IL22RA2: variants seen among roughly 807,000 people sequenced by gnomAD.
The protein encoded by IL22RA2 is interleukin-22 receptor subunit alpha-2.
A neutral mutation model predicts 30.7 loss-of-function variants in IL22RA2; 39 were observed. The ratio of observed to expected loss-of-function variants is 1.27; its 90% confidence interval spans 0.98 to 1.66. The LOEUF (loss-of-function observed/expected upper bound fraction) is 1.66. IL22RA2 is among the 40% of genes most tolerant of loss of function. The pLI is 0.00. For missense variants in IL22RA2, 315 were observed against 312.7 expected (o/e 1.01, Z -0.05); for synonymous variants, 103 against 105.0 (o/e 0.98, Z 0.11).
intron 5 of IL22RA2, among the ~76,000 whole-genome samples, chr6:137,151,864 A>G (rs1007961993): frequency 2.6e-5 from 4 of 152,198 alleles, no homozygotes; most frequent in Admixed American, 6.5e-5. Flanking sequence ...TTTTATACCT[A>G]TTAGGATGGC....
At position 137,147,897 on chromosome 6, in the gene IL22RA2, G is replaced by T. The variant is rs1469478839; in HGVS notation, c.473-6C>A. ...GACTGGAGGATCTATTTTTGCTGAAGAAAAAACATAAAAATTTGACAAATC... is the reference window on the plus strand; with the variant it reads ...GACTGGAGGATCTATTTTTGCTGAATAAAAAACATAAAAATTTGACAAATC... On this transcript the variant is annotated splice_region_variant and splice_polypyrimidine_tract_variant and intron_variant, in intron 5 of 6. Transcript: ENST00000296980. The T allele has an allele frequency of 6.2e-7, 1 of 1,603,426 alleles. No individual in the cohort carries two copies. Among genetic ancestry groups the T allele is most frequent in the African/African-American group, 1.4e-5 (1 of 74,034 alleles).
At chr6:137,171,908 C>G (rs1778742768) in intron 1 of IL22RA2, among the ~76,000 whole-genome samples, 1 of 152,226 alleles carries the variant, frequency 6.6e-6, no homozygotes, top group Non-Finnish European at 1.5e-5. Context: ...AGGCTTGTAT[C>G]TCCTCCAGCT....
chr6:137,161,400 G>C (rs1279011763), intron 2 of IL22RA2, among the ~76,000 whole-genome samples: 1 of 152,136 alleles, frequency 6.6e-6, no homozygotes, highest in African/African-American at 2.4e-5. Flanking sequence ...GAGAAAGAAA[G>C]AGGGAGGGAG....
intron 3 of IL22RA2, among the ~76,000 whole-genome samples, chr6:137,157,510 C>T (rs28385694): frequency 0.019 from 2,936 of 152,178 alleles, 52 homozygotes; most frequent in Middle Eastern, 0.068. Flanking sequence ...AAAATCTGAC[C>T]TAGGACCTAC....
chr6:137,156,547 C>G (rs1337716784), intron 4 of IL22RA2, among the ~76,000 whole-genome samples: 1 of 152,110 alleles, frequency 6.6e-6, no homozygotes, highest in Non-Finnish European at 1.5e-5. Flanking sequence ...ATTCTAAACG[C>G]AAGGGATATA....
intron 5 of IL22RA2, among the ~76,000 whole-genome samples, chr6:137,149,338 T>C (rs1451089793): frequency 1.3e-5 from 2 of 152,194 alleles, no homozygotes; most frequent in African/African-American, 2.4e-5. Context: ...TAAAAGCATA[T>C]TAAGCTTAAC....
intron 5 of IL22RA2, among the ~76,000 whole-genome samples, chr6:137,151,723 T>C (rs1047312086): frequency 2.0e-5 from 3 of 152,156 alleles, no homozygotes; most frequent in African/African-American, 7.2e-5. Context: ...TTTGATTAAA[T>C]TTTTTAAATG....
rs560698811 is a variant in IL22RA2, at chr6:137,150,315, G to A, written c.473-2424C>T. 1.6e-4 allele frequency among the ~76,000 whole-genome samples: 25 copies of A among 152,180 alleles called. 1 individual carries two copies. In the South Asian group the frequency reaches 4.8e-3, roughly 29 times the overall value. On this transcript the variant is annotated intron_variant, in intron 5 of 6. Transcript: ENST00000296980. ...TAGGAGCTGTGGTGGGAGAGCGCAA[G>A]CCTGGGGGTGAGGAGGCAGCTGAGT...
intron 5 of IL22RA2, among the ~76,000 whole-genome samples, chr6:137,150,609 A>G (rs1268012788): frequency 6.7e-6 from 1 of 150,176 alleles, no homozygotes; most frequent in Non-Finnish European, 1.5e-5. Flanking sequence ...GTCTTTGGCT[A>G]TTCTTACCTG....
intron 1 of IL22RA2, among the ~76,000 whole-genome samples, chr6:137,169,912 C>T (rs539662997): frequency 3.9e-5 from 6 of 152,298 alleles, no homozygotes; most frequent in East Asian, 1.9e-4. Context: ...TGCCAGGATG[C>T]GGAAGTTAGC....
At chr6:137,149,447 T>G (rs1366647063) in intron 5 of IL22RA2, among the ~76,000 whole-genome samples, 1 of 152,190 alleles carries the variant, frequency 6.6e-6, no homozygotes, top group East Asian at 1.9e-4. Context: ...ATTCATCTAA[T>G]TATGCATGCA....
In IL22RA2 at chr6:137,155,125, G is replaced by A. The variant is rs751617911; in HGVS notation, c.294-6C>T. ...TCCATTGTCTCTGTCCATATCTGTA[G>A]CAGGGAAAAGGCAAAGATCTGAGTT... On this transcript the variant is annotated splice_polypyrimidine_tract_variant and splice_region_variant and intron_variant, in intron 4 of 6. Coordinates refer to ENST00000296980, the MANE Select transcript of IL22RA2 (RefSeq NM_052962.3). 4 of 1,524,442 alleles carry A rather than the reference G, an allele frequency of 2.6e-6. No homozygotes were observed. Among genetic ancestry groups the A allele is most frequent in the Non-Finnish European group, 3.5e-6 (4 of 1,136,088 alleles). The allele number at this position is 1,524,442 out of a possible 1,614,324, so 94.4% of individuals were successfully genotyped here.
intron 3 of IL22RA2, 63 bp downstream of exon 3, chr6:137,158,284 G>A: frequency 6.3e-7 from 1 of 1,585,432 alleles, no homozygotes; most frequent in Non-Finnish European, 8.6e-7. Flanking sequence ...ACACTCCATT[G>A]CATTCTAGAA....
chr6:137,157,672 ACCCCCCTCAC>A (rs1472481435), intron 3 of IL22RA2, among the ~76,000 whole-genome samples: 2 of 149,918 alleles, frequency 1.3e-5, no homozygotes, highest in African/African-American at 4.9e-5. Context: ...TTGAGCCTCA[ACCCCCCTCAC>A]CCCCCCAGAA....
intron 1 of IL22RA2, among the ~76,000 whole-genome samples, chr6:137,170,762 G>A (rs765708810): frequency 1.3e-5 from 2 of 152,040 alleles, no homozygotes; most frequent in Non-Finnish European, 2.9e-5. Context: ...AAGGGCCTGC[G>A]TGATTCAGAA....
chr6:137,171,191 C>A (rs780524987), intron 1 of IL22RA2, among the ~76,000 whole-genome samples: 2 of 152,196 alleles, frequency 1.3e-5, no homozygotes, highest in Admixed American at 1.3e-4. Context: ...AGGAATTAGT[C>A]TCAGCAGCAA....
rs1298660930 is a variant in IL22RA2 at position 137,145,597 on chromosome 6, A to G, written c.*27T>C. On this transcript the variant is annotated 3_prime_UTR_variant, in exon 7 of 7. Transcript: ENST00000296980. ...GTTCTCAGGGAGCTTTAGAATTTCC[A>G]CATTGCTGAATGCCAAATTCCACAA... 2.5e-6 allele frequency: 4 copies of G among 1,587,740 alleles called. No individual in the cohort carries two copies. The Admixed American group carries it at 7.1e-5, about 28-fold the overall frequency.
At chr6:137,170,345 C>T (rs562167703) in intron 1 of IL22RA2, among the ~76,000 whole-genome samples, 1 of 152,214 alleles carries the variant, frequency 6.6e-6, no homozygotes, top group East Asian at 1.9e-4. Flanking sequence ...AATGTGACCC[C>T]TGCCTTACAT....
intron 5 of IL22RA2, among the ~76,000 whole-genome samples, chr6:137,154,131 C>T (rs1022594747): frequency 6.6e-6 from 1 of 151,942 alleles, no homozygotes; most frequent in African/African-American, 2.4e-5. Context: ...ATGGTTGTGA[C>T]TAAACTAAAA....
Sources: allele counts gnomAD v4.1 joint callset (sites outside exome capture counted in the v4.1 genomes callset), GRCh38; gene constraint gnomAD v4.1.1; transcripts MANE v1.5; gene names NCBI Gene and HGNC (gene_info 2026-07-23, HGNC 2026-07-21).